DMD: variants seen among roughly 807,000 people sequenced by gnomAD.
DMD encodes the protein dystrophin.
In DMD, 63 loss-of-function variants were observed where a neutral mutation model predicts 330.1. The observed-to-expected ratio is 0.19, with a 90% CI of 0.16 to 0.24. DMD has a LOEUF of 0.24. Among genes scored for constraint, DMD ranks in the 10% least tolerant of loss-of-function variants. The pLI is 1.00. For synonymous variants in DMD, 1,223 were observed against 959.8 expected, an observed-to-expected ratio of 1.27 and a Z score of -5.07; for missense variants, 3,344 against 2,684.1, an observed-to-expected ratio of 1.25 and a Z score of -5.43.
chrX:31,577,703 G>A (rs1317282412), intron 55 of DMD, among the ~76,000 whole-genome samples: 1 of 111,647 alleles, frequency 9.0e-6, no homozygotes, highest in Non-Finnish European at 1.9e-5. Context: ...TGCTTCATAT[G>A]TACCCAGTAA....
chrX:32,848,053 A>G (rs951914311), intron 3 of DMD, among the ~76,000 whole-genome samples: 1 of 111,891 alleles, frequency 8.9e-6, no homozygotes, highest in African/African-American at 3.3e-5. Flanking sequence ...GTTAACCCTG[A>G]CTAAATTGCT....
chrX:32,748,698 A>G (rs2070405463), intron 7 of DMD, among the ~76,000 whole-genome samples: 1 of 112,306 alleles, frequency 8.9e-6, no homozygotes, highest in African/African-American at 3.2e-5. Context: ...ATCAATACAT[A>G]GGGATTGACT....
chrX:32,949,776 G>A (rs1159226926), intron 2 of DMD, among the ~76,000 whole-genome samples: 1 of 110,736 alleles, frequency 9.0e-6, no homozygotes, highest in African/African-American at 3.3e-5. Flanking sequence ...TGTATTAGTC[G>A]CCCAAACAGT....
chrX:32,543,912 T>C (rs989034983), intron 17 of DMD, among the ~76,000 whole-genome samples: 2 of 112,478 alleles, frequency 1.8e-5, no homozygotes, highest in African/African-American at 6.5e-5. Context: ...AAAGTAATCA[T>C]AAGTGATAAA....
At chrX:31,365,861 C>G (rs1360283911) in intron 60 of DMD, among the ~76,000 whole-genome samples, 1 of 112,579 alleles carries the variant, frequency 8.9e-6, no homozygotes, top group Non-Finnish European at 1.9e-5. Flanking sequence ...TGAATGGGGT[C>G]TAAACCAATT....
chrX:31,206,378 A>C (rs1044553871), intron 66 of DMD, among the ~76,000 whole-genome samples: 42 of 112,543 alleles, frequency 3.7e-4, no homozygotes, highest in African/African-American at 1.3e-3. Flanking sequence ...TGGAAAAGCT[A>C]ATCCTCATTC....
intron 4 of DMD, among the ~76,000 whole-genome samples, chrX:32,835,354 C>G (rs1488824299): frequency 2.7e-5 from 3 of 112,283 alleles, no homozygotes; most frequent in African/African-American, 9.7e-5. Context: ...TTACCTAGAG[C>G]TGATGTAGAG....
At chrX:32,427,621 TAAAAAA>T in intron 29 of DMD, among the ~76,000 whole-genome samples, 1 of 100,067 alleles carries the variant, frequency 1.0e-5, no homozygotes, top group African/African-American at 3.6e-5. Context: ...CTGATTTTGG[TAAAAAA>T]AAAAAAAAAT....
At position 32,438,358 on chromosome X, in the gene DMD, A is replaced by G; in HGVS notation, c.3954T>C (p.Asp1318=). 8.3e-7 allele frequency: 1 copy of G among 1,211,716 alleles called. No homozygotes were observed. Among genetic ancestry groups the G allele is most frequent in the Non-Finnish European group, 1.1e-6 (1 of 895,443 alleles). Residue 1318 remains aspartate (D), a synonymous_variant, in exon 29 of 79, where the codon GAT becomes GAC. Coordinates refer to ENST00000357033, the MANE Select transcript of DMD (RefSeq NM_004006.3). The stretch of plus-strand genomic sequence containing the variant: ...CCAATATGCGAATCTGATTTGGGTT[A>G]TCCTCTGAATGTCGCATCAAATTTT... ...SLENLMRHSE[D]NPNQIRILAQ...
chrX:32,077,025 T>G (rs750666501), intron 44 of DMD, among the ~76,000 whole-genome samples: 8 of 112,061 alleles, frequency 7.1e-5, no homozygotes, highest in Non-Finnish European at 1.3e-4. Context: ...AGGCAATGAG[T>G]GCCTTGCTAT....
chrX:31,498,449 C>T (rs982558507), intron 56 of DMD, among the ~76,000 whole-genome samples: 1 of 111,762 alleles, frequency 8.9e-6, no homozygotes, highest in Admixed American at 9.5e-5. Flanking sequence ...ACAGTAAAAT[C>T]CTTTGCAAGG....
chrX:32,361,949 A>T (rs1230544832), intron 37 of DMD, among the ~76,000 whole-genome samples: 1 of 111,396 alleles, frequency 9.0e-6, no homozygotes, highest in African/African-American at 3.3e-5. Flanking sequence ...CAGTATATAA[A>T]TTTCTAGGTA....
chrX:33,198,743 TATTA>T (rs2051101718), intron 1 of DMD, among the ~76,000 whole-genome samples: 1 of 110,516 alleles, frequency 9.0e-6, no homozygotes, highest in Admixed American at 9.8e-5. Flanking sequence ...GACTGGCAAG[TATTA>T]ATTAGTCACG....
rs145596859 is a variant in DMD at position 31,527,372 on chromosome X, G to C, written c.8218-19919C>G. Among the ~76,000 whole-genome samples the C allele has an allele frequency of 5.4e-3, 602 of 111,819 alleles. 4 individuals carry two copies. Among genetic ancestry groups the C allele is most frequent in the Admixed American group, 0.012 (130 of 10,559 alleles). On this transcript the variant is annotated intron_variant, in intron 55 of 78. Transcript: ENST00000357033. ...TATTTGCCAGACTTCCATGCAGCTA[G>C]TGTTCTGATTATGAATTAGGATATA...
intron 43 of DMD, among the ~76,000 whole-genome samples, chrX:32,225,081 A>T (rs1205510074): frequency 8.9e-6 from 1 of 111,930 alleles, no homozygotes; most frequent in Non-Finnish European, 1.9e-5. Context: ...TTTATAGGTA[A>T]ACTTGTTAAA....
intron 2 of DMD, among the ~76,000 whole-genome samples, chrX:32,928,174 G>A (rs761421147): frequency 4.3e-4 from 47 of 110,434 alleles, no homozygotes; most frequent in African/African-American, 1.3e-3. Flanking sequence ...TTCATGAAAT[G>A]ACTTTATTCG....
intron 45 of DMD, among the ~76,000 whole-genome samples, chrX:31,963,919 A>G (rs756136554): frequency 9.1e-6 from 1 of 109,566 alleles, no homozygotes; most frequent in South Asian, 3.9e-4. Flanking sequence ...AATGGATACT[A>G]AAGCCATTAG....
At chrX:32,603,151 A>G (rs2056373534) in intron 12 of DMD, among the ~76,000 whole-genome samples, 1 of 111,049 alleles carries the variant, frequency 9.0e-6, no homozygotes. Flanking sequence ...AAAAAAATCA[A>G]AATCATATCA....
chrX:33,284,164 TTA>T (rs1448957327), intron 1 of DMD, among the ~76,000 whole-genome samples: 2 of 110,875 alleles, frequency 1.8e-5, no homozygotes, highest in African/African-American at 6.6e-5. Context: ...CATTAATCAT[TTA>T]TGTCTCTAGT....
Sources: allele counts gnomAD v4.1 joint callset (sites outside exome capture counted in the v4.1 genomes callset), GRCh38; gene constraint gnomAD v4.1.1; transcripts MANE v1.5; gene names NCBI Gene and HGNC (gene_info 2026-07-23, HGNC 2026-07-21).